The following TOP1MT variants were observed in gnomAD, a reference collection of about 807,000 sequenced individuals.
TOP1MT encodes the protein DNA topoisomerase I mitochondrial.
A neutral mutation model predicts 73.9 loss-of-function variants in TOP1MT; 80 were observed. The observed-to-expected ratio is 1.08, with a 90% CI of 0.90 to 1.30. The LOEUF is 1.30. Ranked by LOEUF, TOP1MT falls within the 50% of genes most tolerant of loss-of-function variation. TOP1MT has a pLI of 0.00. For synonymous variants in TOP1MT, 338 were observed against 326.4 expected (o/e 1.04, Z -0.38); for missense variants, 815 against 808.0 (o/e 1.01, Z -0.10).
At chr8:143,333,909 C>T (rs1053485409) in intron 1 of TOP1MT, 8 of 152,490 alleles carry the variant, frequency 5.2e-5, no homozygotes, top group Non-Finnish European at 1.2e-4. Flanking sequence ...ATCTGGGGCT[C>T]TCTTTGGGTC....
chr8:143,323,912 C>G, intron 7 of TOP1MT, 87 bp downstream of exon 7: 1 of 1,491,660 alleles, frequency 6.7e-7, no homozygotes, highest in Non-Finnish European at 9.2e-7. Flanking sequence ...CACACAGGCC[C>G]ACGTCGCCAC....
chr8:143,355,227 T>A (rs903670298), intron 1 of TOP1MT: 8 of 152,316 alleles, frequency 5.3e-5, no homozygotes, highest in African/African-American at 1.9e-4. Flanking sequence ...AAACACCGCA[T>A]TAAACAGCTC....
chr8:143,321,643 ACACACAGGCACGCCACACACACGCACGC>A lies in TOP1MT; in HGVS notation c.961-285_961-258del, dbSNP rs1436532692. Among the ~76,000 whole-genome samples, 288 of 64,658 alleles carry A rather than the reference ACACACAGGCACGCCACACACACGCACGC, an allele frequency of 4.5e-3. 20 individuals are homozygous for A. The highest frequency in any genetic ancestry group is 0.019 in the East Asian group (23 of 1,240). The allele number at this position is 64,658 out of a possible 152,430, so 42.4% of individuals were successfully genotyped here. A position where few individuals can be genotyped will look rare whatever the true frequency, so the allele number is the denominator to read the frequency against. On this transcript the variant is annotated intron_variant, in intron 7 of 13. Transcript: ENST00000329245. ...CACGCACGCCACACACAGGCACGCCACACACAGGCACGCCACACACACGCACGCCACACACGCACGCCACGCACGCACG... is the reference window on the plus strand; with the variant it reads ...CACGCACGCCACACACAGGCACGCCACACACACGCACGCCACGCACGCACG...
intron 12 of TOP1MT, 138 bp from the exon 13 acceptor site, chr8:143,310,355 A>C (rs1025372576): frequency 4.7e-6 from 3 of 641,694 alleles, no homozygotes; most frequent in Non-Finnish European, 7.4e-6. Context: ...CCATCACAGC[A>C]AAAGACCAGC....
chr8:143,348,614 GGT>G (rs1353477048), upstream of TOP1MT, among the ~76,000 whole-genome samples: 10 of 152,162 alleles, frequency 6.6e-5, no homozygotes, highest in African/African-American at 2.4e-4. The surrounding 1 kb of genome is among the most constrained non-coding windows in gnomAD (Gnocchi z 4.6). Flanking sequence ...GGTGGGGGGG[GGT>G]GGGGGCCCTC....
At chr8:143,323,174 ACAGGCACGCCACACACG>A (rs1816569930) in intron 7 of TOP1MT, among the ~76,000 whole-genome samples, 1 of 115,796 alleles carries the variant, frequency 8.6e-6, no homozygotes. Flanking sequence ...CGCCACACAC[ACAGGCACGCCACACACG>A]CATGCCACAC....
rs927371205 is a variant in TOP1MT, at chr8:143,329,574, C to T, written c.239-103G>A. On this transcript the variant is annotated intron_variant, in intron 2 of 13. Coordinates refer to ENST00000329245, the MANE Select transcript of TOP1MT (RefSeq NM_052963.3). ...AAACTACGCTTTCGTGCGTACTATGCCAAGAGCAAGAAGCTAGGCCTTCTT... is the reference window on the plus strand; with the variant it reads ...AAACTACGCTTTCGTGCGTACTATGTCAAGAGCAAGAAGCTAGGCCTTCTT... 13 of 1,393,010 alleles carry T rather than the reference C, an allele frequency of 9.3e-6. No individual in the cohort carries two copies. In the South Asian group the frequency reaches 1.6e-4, roughly 17 times the overall value. The allele number at this position is 1,393,010 out of a possible 1,614,324, so 86.3% of individuals were successfully genotyped here. A position where few individuals can be genotyped will look rare whatever the true frequency, so the allele number is the denominator to read the frequency against.
At chr8:143,332,234 AC>A (rs1006563263) in intron 1 of TOP1MT, among the ~76,000 whole-genome samples, 85 of 152,224 alleles carry the variant, frequency 5.6e-4, no homozygotes, top group African/African-American at 1.8e-3. Flanking sequence ...GCTCAACTGA[AC>A]CTAGATTCTG....
intron 12 of TOP1MT, among the ~76,000 whole-genome samples, chr8:143,315,002 C>T (rs7459839): frequency 0.5 from 76,104 of 151,782 alleles, 20,517 homozygotes; most frequent in East Asian, 0.76. Context: ...CTAGCGGTAA[C>T]GCCAGCGTCT....
upstream of TOP1MT, among the ~76,000 whole-genome samples, chr8:143,348,204 G>T (rs547021851): frequency 5.9e-5 from 9 of 152,318 alleles, no homozygotes; most frequent in Admixed American, 3.3e-4. The surrounding 1 kb of genome is among the most constrained non-coding windows in gnomAD (Gnocchi z 4.6). Flanking sequence ...CCAGCTCCCT[G>T]CTCCAAAGTC....
chr8:143,324,157 T>C lies in TOP1MT; in HGVS notation c.817-15A>G, dbSNP rs758260106. On this transcript the variant is annotated splice_polypyrimidine_tract_variant and intron_variant, in intron 6 of 13. Transcript: ENST00000329245. ...GCTGTCTCCCCCTAAACGAAGAAAA[T>C]AACAGGAAAGAAAACATTCACATTC... 1.9e-5 allele frequency: 31 copies of C among 1,612,078 alleles called. No homozygotes were observed. In the African/African-American group the frequency reaches 3.9e-4, roughly 20 times the overall value.
intron 4 of TOP1MT, 21 bp downstream of exon 4, chr8:143,326,201 C>T (rs986646958): frequency 1.9e-6 from 3 of 1,613,008 alleles, no homozygotes; most frequent in Non-Finnish European, 2.5e-6. Flanking sequence ...TCAGGTCACA[C>T]AACGCTCGAG....
At chr8:143,357,363 G>C (rs1303471472), upstream of TOP1MT, among the ~76,000 whole-genome samples, 3 of 148,992 alleles carry the variant, frequency 2.0e-5, no homozygotes, top group Non-Finnish European at 4.4e-5. Flanking sequence ...AGTTAGCTAT[G>C]ATCACCACTG....
upstream of TOP1MT, among the ~76,000 whole-genome samples, chr8:143,346,443 T>C (rs1461530436): frequency 6.6e-6 from 1 of 152,162 alleles, no homozygotes; most frequent in African/African-American, 2.4e-5. Context: ...AAATGATTTT[T>C]TAAAAAAAGA....
At position 143,353,963 on chromosome 8, in the gene TOP1MT, C is replaced by CAAAAAA. The variant is rs1186472770; in HGVS notation, c.-39+1996_-39+2001dup. Among the ~76,000 whole-genome samples the CAAAAAA allele has an allele frequency of 8.5e-3, 406 of 47,622 alleles. 94 individuals carry two copies. The highest frequency in any genetic ancestry group is 0.04 in the African/African-American group (377 of 9,376). The allele number at this position is 47,622 out of a possible 152,430, so 31.2% of individuals were successfully genotyped here. On this transcript the variant is annotated intron_variant, in intron 1 of 5. Coordinates refer to the TOP1MT transcript ENST00000518760. ...TGGGCGACAAAGAGAGACTCCATCCCAAAAAAAAAAAAAAAAAAAAAAAAA... is the reference window on the plus strand; with the variant it reads ...TGGGCGACAAAGAGAGACTCCATCCCAAAAAAAAAAAAAAAAAAAAAAAAAAAAAAA...
upstream of TOP1MT, chr8:143,356,150 G>C (rs1279081138): frequency 6.6e-6 from 1 of 152,274 alleles, no homozygotes; most frequent in African/African-American, 2.4e-5. Flanking sequence ...TGTGGCCAGC[G>C]GGCAGACAGA....
rs199968999 is a variant in TOP1MT at position 143,326,206 on chromosome 8, C to T, written c.483+16G>A. On this transcript the variant is annotated intron_variant, in intron 4 of 13. Transcript: ENST00000329245. ...AGGGGCCACTTCAGGTCACACAACG[C>T]TCGAGGCAGCCCAACCTGCTTCTCC... is the stretch of plus-strand genomic sequence containing the variant. 2 of 1,613,360 alleles carry T rather than the reference C, an allele frequency of 1.2e-6. No homozygotes were observed. The highest frequency in any genetic ancestry group is 2.2e-5 in the East Asian group (1 of 44,876).
At chr8:143,310,017 C>T (rs1451352379) in intron 13 of TOP1MT, 51 bp downstream of exon 13, 1 of 1,601,072 alleles carries the variant, frequency 6.2e-7, no homozygotes, top group Admixed American at 1.7e-5. Context: ...CCTGGAAAAC[C>T]CAGGCCCCCC....
intron 10 of TOP1MT, among the ~76,000 whole-genome samples, chr8:143,316,500 C>T (rs1816168216): frequency 7.9e-6 from 1 of 126,852 alleles, no homozygotes; most frequent in African/African-American, 3.2e-5. Context: ...GTCCCCAGCA[C>T]CCGGCTTCCC....
Sources: allele counts gnomAD v4.1 joint callset (sites outside exome capture counted in the v4.1 genomes callset), GRCh38; gene constraint gnomAD v4.1.1; non-coding constraint Gnocchi (gnomAD v3.1); transcripts MANE v1.5; gene names NCBI Gene and HGNC (gene_info 2026-07-23, HGNC 2026-07-21).